Variants in IL1RAPL1 observed in about 807,000 individuals in gnomAD.
IL1RAPL1 encodes the protein interleukin 1 receptor accessory protein like 1.
Under a neutral mutation model 48.4 loss-of-function variants are expected in IL1RAPL1, and 3 were observed. The ratio of observed to expected loss-of-function variants is 0.06; its 90% CI spans 0.03 to 0.16. IL1RAPL1 has a LOEUF of 0.16. IL1RAPL1 is among the 10% of genes least tolerant of loss of function. IL1RAPL1 has a pLI of 1.00. For synonymous variants in IL1RAPL1, 185 were observed against 187.7 expected (o/e 0.99, Z 0.12); for missense variants, 349 against 530.6 (o/e 0.66, Z 3.36).
intron 6 of IL1RAPL1, among the ~76,000 whole-genome samples, chrX:29,724,609 G>C: frequency 8.9e-6 from 1 of 111,974 alleles, no homozygotes. Context: ...TAAATATGCT[G>C]CAAGGCAGTC....
At chrX:28,889,065 T>A (rs1180493448) in intron 2 of IL1RAPL1, among the ~76,000 whole-genome samples, 2 of 111,614 alleles carry the variant, frequency 1.8e-5, no homozygotes, top group African/African-American at 3.2e-5. Context: ...TTTAGTATTT[T>A]TCACTTCATA....
chrX:28,774,837 C>T (rs752886668), intron 1 of IL1RAPL1, among the ~76,000 whole-genome samples: 26 of 111,760 alleles, frequency 2.3e-4, no homozygotes, highest in African/African-American at 7.8e-4. Context: ...ATGCCCCTAG[C>T]CTTCCTCATC....
chrX:29,015,507 C>A (rs1172482719), intron 2 of IL1RAPL1, among the ~76,000 whole-genome samples: 1 of 110,610 alleles, frequency 9.0e-6, no homozygotes, highest in African/African-American at 3.3e-5. Context: ...GAATATGTCA[C>A]AACAGAATAA....
chrX:29,122,846 G>C (rs1275813693), intron 2 of IL1RAPL1, among the ~76,000 whole-genome samples: 1 of 110,409 alleles, frequency 9.1e-6, no homozygotes, highest in Non-Finnish European at 1.9e-5. Context: ...TGTTCAGGAA[G>C]AGCTTTCCTT....
chrX:29,088,437 A>T (rs1928002419), intron 2 of IL1RAPL1, among the ~76,000 whole-genome samples: 1 of 110,375 alleles, frequency 9.1e-6, no homozygotes, highest in Non-Finnish European at 1.9e-5. Context: ...GCACTTTGGG[A>T]GGCCAAGGAG....
intron 6 of IL1RAPL1, among the ~76,000 whole-genome samples, chrX:29,713,465 G>A (rs1265926352): frequency 8.9e-6 from 1 of 111,759 alleles, no homozygotes; most frequent in East Asian, 2.8e-4. Flanking sequence ...TGCTTCAAGA[G>A]AAACAAAGTG....
chrX:29,055,396 G>A (rs1302960379), intron 2 of IL1RAPL1, among the ~76,000 whole-genome samples: 2 of 111,280 alleles, frequency 1.8e-5, no homozygotes, highest in Middle Eastern at 4.7e-3. Flanking sequence ...TCACATTATC[G>A]TAGGTGTAAT....
chrX:28,914,027 C>T (rs1923425503), intron 2 of IL1RAPL1, among the ~76,000 whole-genome samples: 1 of 111,087 alleles, frequency 9.0e-6, no homozygotes, highest in South Asian at 3.8e-4. Flanking sequence ...TTTTTATACC[C>T]AGAAAACTCA....
At chrX:29,747,320 T>A in intron 6 of IL1RAPL1, among the ~76,000 whole-genome samples, 1 of 112,665 alleles carries the variant, frequency 8.9e-6, no homozygotes, top group Non-Finnish European at 1.9e-5. Context: ...AATATGTTGC[T>A]ATGGTGAATA....
chrX:29,172,454 A>G (rs1929927309), intron 2 of IL1RAPL1, among the ~76,000 whole-genome samples: 1 of 111,415 alleles, frequency 9.0e-6, no homozygotes, highest in African/African-American at 3.3e-5. Flanking sequence ...GAGGCTTACA[A>G]CGTAATGTTT....
chrX:28,736,445 A>C (rs1253197154), intron 1 of IL1RAPL1, among the ~76,000 whole-genome samples: 1 of 109,993 alleles, frequency 9.1e-6, no homozygotes, highest in East Asian at 2.8e-4. Flanking sequence ...AAAAAAAAAA[A>C]ATGATGGCTC....
intron 1 of IL1RAPL1, among the ~76,000 whole-genome samples, chrX:28,606,063 T>C (rs1437323010): frequency 8.9e-6 from 1 of 111,786 alleles, no homozygotes; most frequent in Admixed American, 9.6e-5. Flanking sequence ...TTTAGGTACT[T>C]CTTACCATGT....
At position 29,264,035 on chromosome X, in the gene IL1RAPL1, G is replaced by C. The variant is rs763504154; in HGVS notation, c.83-18903G>C. 3.6e-5 allele frequency among the ~76,000 whole-genome samples: 4 copies of C among 110,233 alleles called. No individual in the cohort carries two copies. The Admixed American group carries it at 3.9e-4, about 11-fold the overall frequency. On this transcript the variant is annotated intron_variant, in intron 2 of 10. Transcript: ENST00000378993. ...TTTTAAAGTAATCAATTAGCATATG[G>C]GCTAAGTTCACTTTAGATGGATACA...
chrX:29,954,235 CAAAAA>C (rs34345826), intron 9 of IL1RAPL1, among the ~76,000 whole-genome samples: 592 of 30,427 alleles, frequency 0.019, 6 homozygotes, highest in African/African-American at 0.084. Flanking sequence ...GACTGTGTCC[CAAAAA>C]AAAAAAAAAA....
At chrX:29,904,630 T>A (rs1369383772) in intron 6 of IL1RAPL1, among the ~76,000 whole-genome samples, 1 of 111,498 alleles carries the variant, frequency 9.0e-6, no homozygotes, top group Admixed American at 9.6e-5. Flanking sequence ...TGTTTGGTTT[T>A]CTGTTCCTGT....
chrX:29,366,819 G>A (rs920347699), intron 3 of IL1RAPL1, among the ~76,000 whole-genome samples: 1 of 110,190 alleles, frequency 9.1e-6, no homozygotes, highest in Admixed American at 9.7e-5. Flanking sequence ...CGCCCGCCTC[G>A]GCCTCCCAAA....
chrX:29,169,304 G>A (rs1285598021), intron 2 of IL1RAPL1, among the ~76,000 whole-genome samples: 1 of 109,525 alleles, frequency 9.1e-6, no homozygotes, highest in Non-Finnish European at 1.9e-5. Flanking sequence ...AAATTCTTTA[G>A]GCATTGCCTT....
intron 6 of IL1RAPL1, among the ~76,000 whole-genome samples, chrX:29,721,389 G>A (rs1307220746): frequency 9.0e-6 from 1 of 111,702 alleles, no homozygotes; most frequent in Non-Finnish European, 1.9e-5. Flanking sequence ...AGAGTAGAGA[G>A]CCCTGCAGCA....
intron 2 of IL1RAPL1, among the ~76,000 whole-genome samples, chrX:29,188,398 G>A (rs772493766): frequency 1.8e-5 from 2 of 111,532 alleles, no homozygotes; most frequent in South Asian, 3.7e-4. Flanking sequence ...GGGACAGAGA[G>A]TAATTAATTA....
Sources: gnomAD v4.1 joint callset for allele counts (sites outside exome capture counted in the v4.1 genomes callset) on GRCh38, gnomAD v4.1.1 for gene constraint, MANE v1.5 for transcripts, NCBI Gene and HGNC (gene_info 2026-07-23, HGNC 2026-07-21) for gene names.